SCAF8: variants seen among roughly 807,000 people sequenced by gnomAD.
The protein encoded by SCAF8 is SR-related and CTD-associated factor 8.
SCAF8 carries 23 observed loss-of-function variants against 140.5 expected under a neutral mutation model. That is an observed-to-expected ratio of 0.16 (90% CI 0.12 to 0.23). SCAF8 has a LOEUF of 0.23. SCAF8 is among the 10% of genes least tolerant of loss of function. The pLI, the probability that SCAF8 is intolerant of heterozygous loss-of-function variation, is 1.00. For missense variants in SCAF8, 1,397 were observed against 1,555.7 expected (o/e 0.90, Z 1.72); for synonymous variants, 575 against 528.9 (o/e 1.09, Z -1.20).
chr6:154,745,831 T>TTA (rs1182805158), intron 1 of SCAF8, among the ~76,000 whole-genome samples: 1 of 152,086 alleles, frequency 6.6e-6, no homozygotes, highest in Admixed American at 6.6e-5. Flanking sequence ...GCTTTCCCAT[T>TTA]TATATATATA....
chr6:154,822,890 C>G (rs1778460608), intron 16 of SCAF8, among the ~76,000 whole-genome samples: 1 of 152,056 alleles, frequency 6.6e-6, no homozygotes, highest in African/African-American at 2.4e-5. Context: ...AGCTTTTATT[C>G]TCAATAGTGG....
intron 1 of SCAF8, among the ~76,000 whole-genome samples, chr6:154,772,911 C>T (rs1213110437): frequency 6.6e-6 from 1 of 152,046 alleles, no homozygotes; most frequent in Non-Finnish European, 1.5e-5. Context: ...AGGCGCCTGC[C>T]ACCACACTAA....
intron 15 of SCAF8, among the ~76,000 whole-genome samples, chr6:154,820,843 A>G (rs912775560): frequency 6.6e-6 from 1 of 152,146 alleles, no homozygotes; most frequent in Non-Finnish European, 1.5e-5. Context: ...TTATCTTTTT[A>G]TTTTAAAAGA....
rs139924205 is a variant in SCAF8 at position 154,785,237 on chromosome 6, C to A, written c.160-2624C>A. Reference sequence around the variant, plus strand: ...ATGTGAATAGACGGCAGCTTGCCCACTTCTGTTGACATTGTGTGTGTTTTC... The same window carrying A: ...ATGTGAATAGACGGCAGCTTGCCCAATTCTGTTGACATTGTGTGTGTTTTC... On this transcript the variant is annotated intron_variant, in intron 3 of 19. Coordinates refer to ENST00000367178, the MANE Select transcript of SCAF8 (RefSeq NM_014892.5). Among the ~76,000 whole-genome samples, 3 of 152,230 alleles carry A rather than the reference C, an allele frequency of 2.0e-5. No individual in the cohort carries two copies. The East Asian group carries it at 5.8e-4, about 29-fold the overall frequency.
rs571162068 is a variant in SCAF8 at position 154,760,536 on chromosome 6, C to A, written c.31-13453C>A. ...AGAAATACATACAGTATCGCACACT[C>A]TTCACCACATTATTGCATACTTAAC... On this transcript the variant is annotated intron_variant, in intron 1 of 19. Coordinates refer to ENST00000367178, the MANE Select transcript of SCAF8 (RefSeq NM_014892.5). Among the ~76,000 whole-genome samples the A allele has an allele frequency of 7.2e-5, 11 of 152,232 alleles. 1 individual carries two copies. The highest frequency in any genetic ancestry group is 2.6e-4 in the African/African-American group (11 of 41,552).
rs1457392635 is a variant in SCAF8 at position 154,826,576 on chromosome 6, G to A, written c.2072-596G>A. On this transcript the variant is annotated intron_variant, in intron 17 of 19. Coordinates refer to ENST00000367178, the MANE Select transcript of SCAF8 (RefSeq NM_014892.5). ...AAAAATGCAAAGAAGCAAATTTATA[G>A]TGTGGTATTTAAAATGATTAAGAAG... Among the ~76,000 whole-genome samples the A allele has an allele frequency of 3.9e-5, 6 of 152,140 alleles. No homozygotes were observed. In the South Asian group the frequency reaches 1.2e-3, roughly 32 times the overall value.
intron 1 of SCAF8, among the ~76,000 whole-genome samples, chr6:154,741,232 G>C (rs1457343578): frequency 2.0e-5 from 3 of 152,152 alleles, no homozygotes; most frequent in Non-Finnish European, 4.4e-5. Context: ...CATGATTTGA[G>C]AGTGTTAATC....
intron 1 of SCAF8, among the ~76,000 whole-genome samples, chr6:154,762,445 C>G (rs181159923): frequency 1.0e-3 from 153 of 152,218 alleles, no homozygotes; most frequent in African/African-American, 3.1e-3. Flanking sequence ...CCCTCATGTC[C>G]TAGTAGCCAT....
At chr6:154,815,575 C>A (rs1043544443) in intron 12 of SCAF8, 141 bp from the exon 13 acceptor site, 10 of 370,892 alleles carry the variant, frequency 2.7e-5, no homozygotes, top group African/African-American at 1.6e-4. Flanking sequence ...ATAACAGATG[C>A]AAGTGTTCAT....
At chr6:154,771,897 AAG>A (rs1776779486) in intron 1 of SCAF8, among the ~76,000 whole-genome samples, 2 of 152,336 alleles carry the variant, frequency 1.3e-5, no homozygotes, top group South Asian at 4.1e-4. Context: ...GGGGGAAAAA[AAG>A]AAAAGATAGC....
At position 154,733,519 on chromosome 6, in the gene SCAF8, G is replaced by A; in HGVS notation, c.-382G>A. 2.3e-6 allele frequency: 3 copies of A among 1,308,974 alleles called. No individual in the cohort carries two copies. Among genetic ancestry groups the A allele is most frequent in the Non-Finnish European group, 2.9e-6 (3 of 1,029,276 alleles). The allele number at this position is 1,308,974 out of a possible 1,614,324, so 81.1% of individuals were successfully genotyped here. On this transcript the variant is annotated 5_prime_UTR_variant, in exon 1 of 20. Transcript: ENST00000367178. Reference sequence around the variant, plus strand: ...CGGCGGGGAGGTGAAACAGGAGCCCGTCGGAGGAAGGGGCAGAAGGGAGTG... The same window carrying A: ...CGGCGGGGAGGTGAAACAGGAGCCCATCGGAGGAAGGGGCAGAAGGGAGTG...
chr6:154,816,575 T>TATCC (rs201144038), intron 13 of SCAF8, among the ~76,000 whole-genome samples: 2,645 of 152,216 alleles, frequency 0.017, 30 homozygotes, highest in Non-Finnish European at 0.024. Flanking sequence ...GGGAGACATT[T>TATCC]ATCCATCCAT....
At chr6:154,823,146 T>A (rs1778467667) in intron 16 of SCAF8, among the ~76,000 whole-genome samples, 1 of 152,168 alleles carries the variant, frequency 6.6e-6, no homozygotes, top group African/African-American at 2.4e-5. Context: ...CCAGGAGTGT[T>A]AAGTGGGCTA....
Position 154,815,820 on chromosome 6 carries a change from A to C in SCAF8, c.1521+4A>C. On this transcript the variant is annotated splice_donor_region_variant and intron_variant, in intron 13 of 19. Coordinates refer to ENST00000367178, the MANE Select transcript of SCAF8 (RefSeq NM_014892.5). The stretch of plus-strand genomic sequence containing the variant: ...TGGACAGATTGAATCCATTAATGCA[A>C]GTATCAGTTCTTAATAATTTAAGGT... The C allele has an allele frequency of 6.4e-7, 1 of 1,563,994 alleles. No homozygotes were observed. The highest frequency in any genetic ancestry group is 8.8e-7 in the Non-Finnish European group (1 of 1,135,270).
chr6:154,800,746 T>C (rs1050043891), intron 6 of SCAF8, among the ~76,000 whole-genome samples: 30 of 151,486 alleles, frequency 2.0e-4, no homozygotes, highest in African/African-American at 6.5e-4. Flanking sequence ...AAAAAACCGA[T>C]GTGTACTCTT....
chr6:154,742,207 A>G (rs1489450834), intron 1 of SCAF8, among the ~76,000 whole-genome samples: 1 of 152,168 alleles, frequency 6.6e-6, no homozygotes, highest in Non-Finnish European at 1.5e-5. Context: ...CAAAAAGGTT[A>G]ATTGGAGAAA....
chr6:154,764,541 G>A (rs1172015284), intron 1 of SCAF8, among the ~76,000 whole-genome samples: 3 of 152,152 alleles, frequency 2.0e-5, no homozygotes, highest in Admixed American at 1.3e-4. Context: ...AGCATAGCAG[G>A]CACCAGTAGC....
At chr6:154,807,965 G>A in intron 9 of SCAF8, 105 bp from the exon 10 acceptor site, 1 of 964,830 alleles carries the variant, frequency 1.0e-6, no homozygotes, top group Non-Finnish European at 1.5e-6. Flanking sequence ...TTTATGTATG[G>A]CTCATGTTTT....
intron 1 of SCAF8, among the ~76,000 whole-genome samples, chr6:154,773,191 A>G (rs1010189817): frequency 6.6e-6 from 1 of 152,216 alleles, no homozygotes; most frequent in Non-Finnish European, 1.5e-5. Context: ...CATCCCAACA[A>G]GAAACACTCT....
Sources: allele counts gnomAD v4.1 joint callset (sites outside exome capture counted in the v4.1 genomes callset), GRCh38; gene constraint gnomAD v4.1.1; transcripts MANE v1.5; gene names NCBI Gene and HGNC (gene_info 2026-07-23, HGNC 2026-07-21).